The following SLC4A10 variants were observed in gnomAD, a reference collection of about 807,000 sequenced individuals.
The protein encoded by SLC4A10 is solute carrier family 4 member 10, also known as sodium-driven chloride bicarbonate exchanger.
Under a neutral mutation model 137.7 loss-of-function variants are expected in SLC4A10, and 42 were observed. That is an observed-to-expected ratio of 0.30 (90% CI 0.24 to 0.39). The LOEUF (loss-of-function observed/expected upper bound fraction) is 0.39. SLC4A10 is among the 10% of genes least tolerant of loss of function. SLC4A10 has a pLI of 1.00. For synonymous variants in SLC4A10, 474 were observed against 464.1 expected (o/e 1.02, Z -0.27); for missense variants, 925 against 1,355.0 (o/e 0.68, Z 4.98).
intron 1 of SLC4A10, among the ~76,000 whole-genome samples, chr2:161,722,860 C>T (rs1183999939): frequency 2.6e-5 from 4 of 152,214 alleles, no homozygotes; most frequent in Admixed American, 6.5e-5. Context: ...TCTCTGTAAA[C>T]GCCTGGATGG....
chr2:161,638,799 AT>A (rs1386681781), intron 1 of SLC4A10, among the ~76,000 whole-genome samples: 1 of 151,796 alleles, frequency 6.6e-6, no homozygotes, highest in Non-Finnish European at 1.5e-5. Flanking sequence ...TCTTTCCTAA[AT>A]GTTTTATAGT....
intron 1 of SLC4A10, among the ~76,000 whole-genome samples, chr2:161,645,497 C>A (rs913986838): frequency 1.3e-5 from 2 of 151,780 alleles, no homozygotes; most frequent in Non-Finnish European, 2.9e-5. Context: ...CCCCAGTTTT[C>A]CCCAAGTGAA....
At chr2:161,819,701 G>A (rs1190483016) in intron 3 of SLC4A10, among the ~76,000 whole-genome samples, 4 of 152,010 alleles carry the variant, frequency 2.6e-5, no homozygotes, top group Non-Finnish European at 5.9e-5. Context: ...TCACCATGTT[G>A]GCCAAGCTGG....
intron 1 of SLC4A10, among the ~76,000 whole-genome samples, chr2:161,681,246 T>A (rs1362136227): frequency 6.6e-6 from 1 of 152,150 alleles, no homozygotes; most frequent in Non-Finnish European, 1.5e-5. Flanking sequence ...GACTCATAAT[T>A]CCTCATTGCC....
At chr2:161,888,427 A>G (rs2062550147) in intron 10 of SLC4A10, among the ~76,000 whole-genome samples, 1 of 152,332 alleles carries the variant, frequency 6.6e-6, no homozygotes, top group South Asian at 2.1e-4. Context: ...ATCCATGAGC[A>G]TGGAATGTTT....
At chr2:161,809,661 A>G (rs2056350342) in intron 3 of SLC4A10, among the ~76,000 whole-genome samples, 1 of 151,838 alleles carries the variant, frequency 6.6e-6, no homozygotes. Flanking sequence ...ATTCTTGGTG[A>G]CTTTGTTGAA....
At chr2:161,953,378 G>A (rs1695119962) in intron 19 of SLC4A10, among the ~76,000 whole-genome samples, 1 of 152,140 alleles carries the variant, frequency 6.6e-6, no homozygotes. Context: ...GGGAGGCCGA[G>A]ACAGGTGGAT....
At chr2:161,814,282 T>C (rs2056844705) in intron 3 of SLC4A10, among the ~76,000 whole-genome samples, 1 of 152,094 alleles carries the variant, frequency 6.6e-6, no homozygotes, top group Non-Finnish European at 1.5e-5. Context: ...AAATAACAGA[T>C]TCTGACAAAG....
At chr2:161,921,768 G>T (rs1345159691) in intron 15 of SLC4A10, among the ~76,000 whole-genome samples, 2 of 152,158 alleles carry the variant, frequency 1.3e-5, no homozygotes, top group South Asian at 2.1e-4. Context: ...GTAAATGGGG[G>T]TAAACCCAGG....
chr2:161,647,610 G>C (rs540752528), intron 1 of SLC4A10, among the ~76,000 whole-genome samples: 1 of 152,064 alleles, frequency 6.6e-6, no homozygotes, highest in Non-Finnish European at 1.5e-5. Context: ...GAAGCACAAC[G>C]TAGTAATGAA....
chr2:161,956,807 G>A (rs559010426), intron 19 of SLC4A10, among the ~76,000 whole-genome samples, 182 bp from the exon 20 acceptor site: 1 of 152,274 alleles, frequency 6.6e-6, no homozygotes, highest in Admixed American at 6.5e-5. Context: ...TCTAATAGAA[G>A]TCACCCAATG....
intron 1 of SLC4A10, among the ~76,000 whole-genome samples, chr2:161,755,281 T>C (rs1022276741): frequency 4.6e-5 from 7 of 152,202 alleles, no homozygotes; most frequent in Admixed American, 1.3e-4. Flanking sequence ...TATATTCATA[T>C]CACATTAATT....
At position 161,804,604 on chromosome 2, in the gene SLC4A10, CCTT is replaced by C. The variant is rs1326883339; in HGVS notation, c.277+12_277+14del. 1.9e-6 allele frequency: 3 copies of C among 1,600,422 alleles called. No individual in the cohort carries two copies. Among genetic ancestry groups the C allele is most frequent in the Admixed American group, 1.7e-5 (1 of 57,718 alleles). ...GGAGTCACCTTCTTTTGGTAAGAAT[CCTT>C]CTCCTTGTTTTTATTAAGTTAATTA... On this transcript the variant is annotated intron_variant, in intron 3 of 26. Transcript: ENST00000446997.
intron 1 of SLC4A10, among the ~76,000 whole-genome samples, chr2:161,695,632 T>C (rs998468435): frequency 1.3e-5 from 2 of 152,188 alleles, no homozygotes; most frequent in African/African-American, 4.8e-5. Flanking sequence ...CAAATTCTGT[T>C]GTTATAATGA....
chr2:161,653,515 C>T (rs543145907), intron 1 of SLC4A10, among the ~76,000 whole-genome samples: 2 of 152,324 alleles, frequency 1.3e-5, no homozygotes, highest in East Asian at 1.9e-4. Context: ...TCTGTTGTTT[C>T]CTGACTTTTT....
At chr2:161,675,452 C>T (rs1388585625) in intron 1 of SLC4A10, among the ~76,000 whole-genome samples, 1 of 151,950 alleles carries the variant, frequency 6.6e-6, no homozygotes, top group Non-Finnish European at 1.5e-5. Context: ...AATAATTTTC[C>T]AAGAATAAAA....
At chr2:161,903,330 T>G (rs1245830661) in intron 12 of SLC4A10, among the ~76,000 whole-genome samples, 1 of 152,190 alleles carries the variant, frequency 6.6e-6, no homozygotes, top group Non-Finnish European at 1.5e-5. Flanking sequence ...AAATTACATT[T>G]ATCTAGTTTT....
chr2:161,644,772 G>A (rs920559015), intron 1 of SLC4A10, among the ~76,000 whole-genome samples: 4 of 152,068 alleles, frequency 2.6e-5, no homozygotes, highest in African/African-American at 9.7e-5. Context: ...ATATCTTGTA[G>A]GTGTTCATAA....
At chr2:161,931,037 TCTC>T (rs907387745) in intron 15 of SLC4A10, among the ~76,000 whole-genome samples, 6 of 152,156 alleles carry the variant, frequency 3.9e-5, no homozygotes, top group African/African-American at 1.4e-4. Context: ...TTCAAACAAT[TCTC>T]CTGCCTCGGC....
Sources: allele counts gnomAD v4.1 joint callset (sites outside exome capture counted in the v4.1 genomes callset), GRCh38; gene constraint gnomAD v4.1.1; transcripts MANE v1.5; gene names NCBI Gene and HGNC (gene_info 2026-07-23, HGNC 2026-07-21).